HDAC9: variants seen among roughly 807,000 people sequenced by gnomAD.
The protein encoded by HDAC9 is histone deacetylase 9.
In HDAC9, 41 loss-of-function variants were observed where a neutral mutation model predicts 139.4. That is an observed-to-expected ratio of 0.29 (90% CI 0.23 to 0.38). The LOEUF (loss-of-function observed/expected upper bound fraction) is 0.38, where lower values mean the gene tolerates loss of function less well. HDAC9 is among the 10% of genes least tolerant of loss of function. The pLI, the probability that HDAC9 is intolerant of heterozygous loss-of-function variation, is 1.00. For synonymous variants in HDAC9, 517 were observed against 476.2 expected, an observed-to-expected ratio of 1.09 and a Z score of -1.12; for missense variants, 1,147 against 1,297.0, an observed-to-expected ratio of 0.88 and a Z score of 1.78.
chr7:18,469,672 C>G (rs1794579039), intron 1 of HDAC9, among the ~76,000 whole-genome samples: 1 of 152,156 alleles, frequency 6.6e-6, no homozygotes, highest in South Asian at 2.1e-4. Flanking sequence ...TATCCTTATT[C>G]TATCAACATT....
At chr7:18,296,568 TTTC>T (rs1798163994) in intron 1 of HDAC9, among the ~76,000 whole-genome samples, 1 of 152,172 alleles carries the variant, frequency 6.6e-6, no homozygotes, top group Non-Finnish European at 1.5e-5. Flanking sequence ...AAATATTTTG[TTTC>T]TTGTTTCCTT....
intron 1 of HDAC9, among the ~76,000 whole-genome samples, chr7:18,314,171 G>A (rs146324653): frequency 2.6e-4 from 39 of 152,296 alleles, no homozygotes; most frequent in Non-Finnish European, 1.0e-4. Flanking sequence ...TAGCTATGCT[G>A]TTAGCAATGT....
intron 1 of HDAC9, among the ~76,000 whole-genome samples, chr7:18,140,260 G>A (rs1324256138): frequency 6.6e-6 from 1 of 152,096 alleles, no homozygotes; most frequent in Non-Finnish European, 1.5e-5. Flanking sequence ...CTACTGCTTG[G>A]GGAATTCTTG....
At chr7:18,726,314 T>A (rs1031795883) in intron 12 of HDAC9, among the ~76,000 whole-genome samples, 1 of 152,126 alleles carries the variant, frequency 6.6e-6, no homozygotes, top group Non-Finnish European at 1.5e-5. Context: ...ACAGGATGAG[T>A]ATGACCTGTG....
chr7:18,731,838 C>T (rs1012994621), intron 13 of HDAC9, among the ~76,000 whole-genome samples: 4 of 152,078 alleles, frequency 2.6e-5, no homozygotes. Context: ...GTTGGTCAGG[C>T]TGGTCTTGAA....
At chr7:18,943,754 T>A (rs1326376275) in intron 23 of HDAC9, among the ~76,000 whole-genome samples, 1 of 152,140 alleles carries the variant, frequency 6.6e-6, no homozygotes, top group Non-Finnish European at 1.5e-5. Flanking sequence ...CTGATGACCA[T>A]GACTGTTCCC....
At chr7:18,111,946 G>T (rs1783647394) in intron 1 of HDAC9, among the ~76,000 whole-genome samples, 1 of 152,192 alleles carries the variant, frequency 6.6e-6, no homozygotes, top group African/African-American at 2.4e-5. Flanking sequence ...AGCTTATGCT[G>T]CCTTGAGAGA....
intron 1 of HDAC9, among the ~76,000 whole-genome samples, chr7:18,473,851 C>A (rs1794911728): frequency 1.3e-5 from 2 of 152,168 alleles, no homozygotes; most frequent in African/African-American, 2.4e-5. Flanking sequence ...CCCTTCAAAT[C>A]TTTGGGTAAA....
chr7:18,146,916 G>T (rs1786381651), intron 1 of HDAC9, among the ~76,000 whole-genome samples: 1 of 152,116 alleles, frequency 6.6e-6, no homozygotes. Flanking sequence ...AGAAAAATAG[G>T]AATTGCATCA....
chr7:18,571,968 C>CTT (rs756527482), intron 2 of HDAC9, among the ~76,000 whole-genome samples: 9 of 142,408 alleles, frequency 6.3e-5, no homozygotes, highest in South Asian at 2.3e-4. Context: ...ACCAATGAAA[C>CTT]TTTTTTTTTT....
At chr7:18,712,262 C>G (rs1348986941) in intron 12 of HDAC9, among the ~76,000 whole-genome samples, 2 of 152,098 alleles carry the variant, frequency 1.3e-5, no homozygotes, top group Non-Finnish European at 2.9e-5. Context: ...TTTTCATTAA[C>G]TGCTTTCAGT....
chr7:18,285,777 G>T (rs1043874641), upstream of HDAC9, among the ~76,000 whole-genome samples: 2 of 152,066 alleles, frequency 1.3e-5, no homozygotes, highest in African/African-American at 2.4e-5. Flanking sequence ...TAGACACTTT[G>T]TGTTCCAGTG....
At chr7:18,806,230 A>G (rs1793695160) in intron 17 of HDAC9, among the ~76,000 whole-genome samples, 1 of 152,236 alleles carries the variant, frequency 6.6e-6, no homozygotes, top group African/African-American at 2.4e-5. Context: ...TATTGCTGCT[A>G]TAACAAATTA....
intron 1 of HDAC9, among the ~76,000 whole-genome samples, chr7:18,425,505 A>C (rs1353126639): frequency 6.6e-6 from 1 of 152,200 alleles, no homozygotes; most frequent in Non-Finnish European, 1.5e-5. Context: ...AAGCTTGTCA[A>C]CTAAATTGTA....
chr7:18,390,043 AGACAACACACACAC>A (rs1786314555), intron 1 of HDAC9, among the ~76,000 whole-genome samples: 1 of 109,570 alleles, frequency 9.1e-6, no homozygotes, highest in Admixed American at 1.0e-4. Context: ...CCCTAGAGAA[AGACAACACACACAC>A]ACACACACAC....
intron 1 of HDAC9, among the ~76,000 whole-genome samples, chr7:18,097,527 T>C (rs1483554615): frequency 6.6e-6 from 1 of 151,778 alleles, no homozygotes; most frequent in Non-Finnish European, 1.5e-5. Flanking sequence ...GTTTTAGTCC[T>C]TTTTTCCCCT....
chr7:18,490,886 G>A (rs1796314537), upstream of HDAC9, among the ~76,000 whole-genome samples: 1 of 151,972 alleles, frequency 6.6e-6, no homozygotes, highest in Non-Finnish European at 1.5e-5. Context: ...GCAGTTATTG[G>A]TGAGTAATTT....
chr7:18,727,840 A>G lies in HDAC9; in HGVS notation c.1909+83A>G, dbSNP rs1785681845. 5 of 1,096,170 alleles carry G rather than the reference A, an allele frequency of 4.6e-6. No homozygotes were observed. In the South Asian group the frequency reaches 8.3e-5, roughly 18 times the overall value. 67.9% of individuals were successfully genotyped at this position (1,096,170 alleles called of 1,614,324 possible). A position where few individuals can be genotyped will look rare whatever the true frequency, so the allele number is the denominator to read the frequency against. On this transcript the variant is annotated intron_variant, in intron 13 of 25. Coordinates refer to ENST00000686413, the MANE Select transcript of HDAC9 (RefSeq NM_178425.4). ...ATTAACCGATTTAAATGCTCTGAATAACTCCAATAGCAGAACACTCCATTT... is the reference window on the plus strand; with the variant it reads ...ATTAACCGATTTAAATGCTCTGAATGACTCCAATAGCAGAACACTCCATTT...
At chr7:18,143,743 C>T (rs753507690) in intron 1 of HDAC9, among the ~76,000 whole-genome samples, 3 of 149,610 alleles carry the variant, frequency 2.0e-5, no homozygotes, top group Non-Finnish European at 4.4e-5. Flanking sequence ...CAGTGAGCCA[C>T]GATCGCACCA....
Sources: gnomAD v4.1 joint callset for allele counts (sites outside exome capture counted in the v4.1 genomes callset) on GRCh38, gnomAD v4.1.1 for gene constraint, MANE v1.5 for transcripts, NCBI Gene and HGNC (gene_info 2026-07-23, HGNC 2026-07-21) for gene names.